Variants in RSU1 observed in about 807,000 individuals in gnomAD.
The protein encoded by RSU1 is Ras suppressor protein 1, also known as rsu-1.
A neutral mutation model predicts 31.1 loss-of-function variants in RSU1; 26 were observed. That is an observed-to-expected ratio of 0.84 (90% CI 0.61 to 1.16). RSU1 has a LOEUF of 1.16. RSU1 is among the 50% of genes most tolerant of loss of function. The pLI is 0.00. For synonymous variants in RSU1, 164 were observed against 136.3 expected (o/e 1.20, Z -1.41); for missense variants, 320 against 339.1 (o/e 0.94, Z 0.44).
chr10:16,765,877 G>A (rs1409356241), intron 3 of RSU1, among the ~76,000 whole-genome samples: 1 of 152,202 alleles, frequency 6.6e-6, no homozygotes. Context: ...AGACCCGGGA[G>A]CACCTGTGAT....
chr10:16,770,977 AAAAG>A (rs1319045658), intron 3 of RSU1, among the ~76,000 whole-genome samples: 1 of 151,178 alleles, frequency 6.6e-6, no homozygotes. Context: ...AAAAAAAAAA[AAAAG>A]GAAGTTTTTG....
intron 3 of RSU1, among the ~76,000 whole-genome samples, chr10:16,769,330 ATT>A (rs1837377504): frequency 6.6e-6 from 1 of 152,246 alleles, no homozygotes; most frequent in Non-Finnish European, 1.5e-5. Flanking sequence ...AGCTGTTTGA[ATT>A]TAAATCTAGA....
chr10:16,817,337 G>A lies in RSU1; in HGVS notation c.-26C>T. On this transcript the variant is annotated 5_prime_UTR_variant, in exon 1 of 9. Coordinates refer to ENST00000345264, the MANE Select transcript of RSU1 (RefSeq NM_012425.4). ...CACCACGGAAGGTAGCCCCTAAGAC[G>A]ATGGGCGTGCAACCACAAGCTTCGG... is the stretch of plus-strand genomic sequence containing the variant. The A allele has an allele frequency of 2.2e-6, 1 of 450,728 alleles. No homozygotes were observed. The highest frequency in any genetic ancestry group is 4.0e-6 in the Non-Finnish European group (1 of 247,710). The allele number at this position is 450,728 out of a possible 1,614,324, so 27.9% of individuals were successfully genotyped here.
chr10:16,666,148 A>C (rs1834983647), intron 8 of RSU1, among the ~76,000 whole-genome samples: 1 of 152,178 alleles, frequency 6.6e-6, no homozygotes, highest in Non-Finnish European at 1.5e-5. Context: ...AATATAACTC[A>C]ATTTTTATTC....
chr10:16,639,456 T>C (rs964845978), intron 8 of RSU1, among the ~76,000 whole-genome samples: 42 of 152,346 alleles, frequency 2.8e-4, no homozygotes, highest in African/African-American at 9.9e-4. Context: ...GCAATCCTAT[T>C]GATTAGTATT....
chr10:16,641,832 G>A (rs556990615), intron 8 of RSU1, among the ~76,000 whole-genome samples: 4 of 152,182 alleles, frequency 2.6e-5, no homozygotes, highest in Non-Finnish European at 5.9e-5. Flanking sequence ...AGGAAGGCAC[G>A]GGCTGGGTTG....
rs543024363 is a variant in RSU1 at position 16,631,140 on chromosome 10, G to T, written c.732-37644C>A. Among the ~76,000 whole-genome samples, 3 of 152,290 alleles carry T rather than the reference G, an allele frequency of 2.0e-5. No individual in the cohort carries two copies. The East Asian group carries it at 5.8e-4, about 29-fold the overall frequency. Reference sequence around the variant, plus strand: ...AATCGTAATCAGCATCCAACTGTCTGCTAGCAAACCATTTCTAATAATTAA... The same window carrying T: ...AATCGTAATCAGCATCCAACTGTCTTCTAGCAAACCATTTCTAATAATTAA... On this transcript the variant is annotated intron_variant, in intron 8 of 8. Transcript: ENST00000345264.
chr10:16,813,571 C>A (rs1243586372), intron 2 of RSU1, among the ~76,000 whole-genome samples: 1 of 152,174 alleles, frequency 6.6e-6, no homozygotes, highest in Non-Finnish European at 1.5e-5. Context: ...ACCATTAAAC[C>A]AGTCTTATGA....
intron 7 of RSU1, among the ~76,000 whole-genome samples, chr10:16,700,192 G>A (rs1233458688): frequency 6.6e-6 from 1 of 151,982 alleles, no homozygotes; most frequent in Non-Finnish European, 1.5e-5. Flanking sequence ...AGGCGATCTG[G>A]GCAAATTTTT....
intron 8 of RSU1, among the ~76,000 whole-genome samples, chr10:16,653,976 C>T (rs749085325): frequency 6.6e-6 from 1 of 151,954 alleles, no homozygotes; most frequent in Admixed American, 6.6e-5. Flanking sequence ...ACCCTAAGTG[C>T]CTACAGTAAG....
At chr10:16,645,179 A>G (rs1233484612) in intron 8 of RSU1, among the ~76,000 whole-genome samples, 1 of 152,210 alleles carries the variant, frequency 6.6e-6, no homozygotes, top group Non-Finnish European at 1.5e-5. Flanking sequence ...AATTTCGTAA[A>G]CATAAATAAG....
chr10:16,752,440 T>G, intron 7 of RSU1, 99 bp downstream of exon 7: 1 of 810,006 alleles, frequency 1.2e-6, no homozygotes. Context: ...AGGTGGAGAG[T>G]AGTTGCCAAG....
chr10:16,638,434 G>A (rs991464254), intron 8 of RSU1, among the ~76,000 whole-genome samples: 1 of 152,092 alleles, frequency 6.6e-6, no homozygotes, highest in Non-Finnish European at 1.5e-5. Flanking sequence ...GTGGGTTTAT[G>A]AGTTCAAAAA....
intron 7 of RSU1, among the ~76,000 whole-genome samples, chr10:16,742,258 A>G (rs924766365): frequency 6.6e-6 from 1 of 152,206 alleles, no homozygotes; most frequent in African/African-American, 2.4e-5. Flanking sequence ...TAGGGAATTA[A>G]TACTCAGTTG....
rs34030604 is a variant in RSU1, at chr10:16,672,614, G to GTT, written c.731+22407_731+22408dup. ...TTATGCTGAATGAAAGGAGCCAGTT[G>GTT]TTTTTTTTTAAATAGAGTACACATT... On this transcript the variant is annotated intron_variant, in intron 8 of 8. Transcript: ENST00000345264. Among the ~76,000 whole-genome samples the GTT allele has an allele frequency of 7.3e-5, 11 of 151,362 alleles. No individual in the cohort carries two copies. In the South Asian group the frequency reaches 8.4e-4, roughly 12 times the overall value.
intron 8 of RSU1, among the ~76,000 whole-genome samples, chr10:16,660,647 T>C (rs559121248): frequency 8.0e-6 from 1 of 125,442 alleles, no homozygotes; most frequent in East Asian, 2.2e-4. Context: ...TGAACTCTCT[T>C]TTTTTTTTTT....
At chr10:16,722,887 C>T (rs1414117528) in intron 7 of RSU1, among the ~76,000 whole-genome samples, 2 of 147,648 alleles carry the variant, frequency 1.4e-5, no homozygotes, top group Non-Finnish European at 3.0e-5. Flanking sequence ...CACACATATA[C>T]ATATATGTAT....
At chr10:16,732,482 G>C (rs1836534905) in intron 7 of RSU1, among the ~76,000 whole-genome samples, 1 of 152,186 alleles carries the variant, frequency 6.6e-6, no homozygotes, top group Admixed American at 6.5e-5. Flanking sequence ...GATACAGAAA[G>C]GATGTGTCAC....
chr10:16,705,848 C>T (rs896667241), intron 7 of RSU1, among the ~76,000 whole-genome samples: 4 of 152,226 alleles, frequency 2.6e-5, no homozygotes, highest in Admixed American at 2.6e-4. Context: ...GTCTCTGTTG[C>T]ACAGGCTGGT....
Sources: gnomAD v4.1 joint callset for allele counts (sites outside exome capture counted in the v4.1 genomes callset) on GRCh38, gnomAD v4.1.1 for gene constraint, MANE v1.5 for transcripts, NCBI Gene and HGNC (gene_info 2026-07-23, HGNC 2026-07-21) for gene names.